CFAP90: variants seen among roughly 807,000 people sequenced by gnomAD.
CFAP90 encodes the protein cilia and flagella associated protein 90, also known as cilia- and flagella-associated protein 90.
At chr5:7,848,322 AT>A in the CFAP90 span, among the ~76,000 whole-genome samples, 2 of 152,068 alleles carry the variant, frequency 1.3e-5, no homozygotes, top group Non-Finnish European at 2.9e-5. Context: ...CTGATTGCAA[AT>A]GTCCCTTTTC....
the CFAP90 span, chr5:7,835,549 A>T: frequency 4.6e-6 from 5 of 1,083,164 alleles, no homozygotes; most frequent in Non-Finnish European, 6.9e-6. Context: ...AGGCTGGGTC[A>T]TTGAGGCCCG....
At chr5:7,835,354 A>G in the CFAP90 span, 1 of 1,276,448 alleles carries the variant, frequency 7.8e-7, no homozygotes, top group Non-Finnish European at 1.1e-6. Context: ...TCTGTTGACA[A>G]CTTGTTAATA....
the CFAP90 span, chr5:7,832,051 C>T: frequency 1.3e-6 from 2 of 1,598,494 alleles, no homozygotes; most frequent in South Asian, 1.1e-5. Flanking sequence ...TATCAAAGCA[C>T]ATAGTCAGCA....
the CFAP90 span, chr5:7,835,602 T>A: frequency 3.0e-6 from 2 of 676,746 alleles, no homozygotes; most frequent in Non-Finnish European, 5.1e-6. Flanking sequence ...AGGCTGGAGG[T>A]GCATGTGGTG....
chr5:7,843,430 A>G, the CFAP90 span, among the ~76,000 whole-genome samples: 1 of 152,202 alleles, frequency 6.6e-6, no homozygotes, highest in African/African-American at 2.4e-5. Context: ...AAGTTTTAGA[A>G]ATTCTTATAA....
chr5:7,833,666 T>G, the CFAP90 span, among the ~76,000 whole-genome samples: 3 of 152,178 alleles, frequency 2.0e-5, no homozygotes, highest in African/African-American at 7.2e-5. Context: ...TGTATGCCTA[T>G]ATACATGCAT....
chr5:7,840,949 A>G, the CFAP90 span, among the ~76,000 whole-genome samples: 3 of 152,180 alleles, frequency 2.0e-5, no homozygotes, highest in Non-Finnish European at 4.4e-5. Flanking sequence ...AGCCCCTAGA[A>G]GGAACCAATC....
At chr5:7,837,717 TGTCCTCACTCAATGAGCC>T in the CFAP90 span, among the ~76,000 whole-genome samples, 1 of 152,222 alleles carries the variant, frequency 6.6e-6, no homozygotes, top group Non-Finnish European at 1.5e-5. Flanking sequence ...ACGTGGCTAC[TGTCCTCACTCAATGAGCC>T]GTCTAGTAAG....
chr5:7,841,478 T>C, the CFAP90 span, among the ~76,000 whole-genome samples: 2 of 152,194 alleles, frequency 1.3e-5, no homozygotes, highest in African/African-American at 2.4e-5. Context: ...TTACTGAGTA[T>C]ATACCCAAAG....
At chr5:7,838,476 G>C in the CFAP90 span, among the ~76,000 whole-genome samples, 1 of 152,194 alleles carries the variant, frequency 6.6e-6, no homozygotes, top group Non-Finnish European at 1.5e-5. Context: ...GTAACACACA[G>C]GAAGCCCAAG....
At chr5:7,836,885 G>A in the CFAP90 span, among the ~76,000 whole-genome samples, 2 of 152,096 alleles carry the variant, frequency 1.3e-5, no homozygotes, top group Non-Finnish European at 2.9e-5. Context: ...AACCAGGGGT[G>A]GGGGTAGGGG....
At chr5:7,831,928 A>G in the CFAP90 span, 1 of 1,614,038 alleles carries the variant, frequency 6.2e-7, no homozygotes. Context: ...CAGCCTGCAC[A>G]TGGTTGGCAC....
At chr5:7,846,871 C>A in the CFAP90 span, among the ~76,000 whole-genome samples, 92 of 152,194 alleles carry the variant, frequency 6.0e-4, no homozygotes, top group African/African-American at 2.1e-3. Context: ...CTCAGCCTCC[C>A]GAGTAGCTGA....
the CFAP90 span, among the ~76,000 whole-genome samples, chr5:7,836,050 T>TCAC: frequency 6.6e-6 from 1 of 152,126 alleles, no homozygotes; most frequent in South Asian, 2.1e-4. Flanking sequence ...ACAAGCCCCC[T>TCAC]CACGCTTCTT....
chr5:7,848,251 C>T, the CFAP90 span, among the ~76,000 whole-genome samples: 1 of 152,120 alleles, frequency 6.6e-6, no homozygotes, highest in African/African-American at 2.4e-5. Context: ...TCCCTCCTGT[C>T]TTAATATTCA....
chr5:7,833,106 A>C, the CFAP90 span, among the ~76,000 whole-genome samples: 2 of 152,232 alleles, frequency 1.3e-5, no homozygotes, highest in African/African-American at 4.8e-5. Flanking sequence ...TTAAATTCTA[A>C]AGAACCAAAC....
the CFAP90 span, among the ~76,000 whole-genome samples, chr5:7,835,836 A>C: frequency 6.6e-6 from 1 of 152,184 alleles, no homozygotes; most frequent in Non-Finnish European, 1.5e-5. Flanking sequence ...TTAAAATAAA[A>C]ATGTGTCCTA....
At chr5:7,847,444 A>AG in the CFAP90 span, among the ~76,000 whole-genome samples, 152,234 of 152,240 alleles carry the variant, frequency 1, 76,114 homozygotes, top group Middle Eastern at 1. Context: ...ACATTAGAGC[A>AG]GGGGTGGGAA....
At chr5:7,849,346 G>C in the CFAP90 span, among the ~76,000 whole-genome samples, 2 of 152,128 alleles carry the variant, frequency 1.3e-5, no homozygotes, top group Non-Finnish European at 2.9e-5. Context: ...GGTGGGGAAA[G>C]GAAGGATGCA....
Sources: allele counts gnomAD v4.1 joint callset (sites outside exome capture counted in the v4.1 genomes callset), GRCh38; gene constraint gnomAD v4.1.1; transcripts MANE v1.5; gene names NCBI Gene and HGNC (gene_info 2026-07-23, HGNC 2026-07-21).